Variants in TRIM54 observed in about 807,000 individuals in gnomAD.
TRIM54 encodes the protein tripartite motif-containing protein 54.
A neutral mutation model predicts 42.0 loss-of-function variants in TRIM54; 40 were observed. The observed-to-expected ratio is 0.95, with a 90% CI of 0.74 to 1.24. TRIM54 has a LOEUF of 1.24. Among genes scored for constraint, TRIM54 ranks in the 50% most tolerant of loss-of-function variants. The pLI is 0.00. For missense variants in TRIM54, 485 were observed against 480.3 expected, an observed-to-expected ratio of 1.01 and a Z score of -0.09; for synonymous variants, 199 against 194.9, an observed-to-expected ratio of 1.02 and a Z score of -0.17.
At chr2:27,305,928 T>C in intron 5 of TRIM54, 111 bp downstream of exon 5, 1 of 1,365,636 alleles carries the variant, frequency 7.3e-7, no homozygotes, top group Non-Finnish European at 1.0e-6. Flanking sequence ...CCCTACGACC[T>C]TGGGCAAGTC....
At position 27,307,170 on chromosome 2, in the gene TRIM54, G is replaced by A. The variant is rs1027322009; in HGVS notation, c.*285G>A. ...TGTGATGCCAGGAGCGAACTGGTGA[G>A]CCCAGCGCCCTGGGAAGAGGGCCGA... On this transcript the variant is annotated 3_prime_UTR_variant, in exon 9 of 9. Transcript: ENST00000380075. This position sits in a 1 kb window ranked among gnomAD's most constrained non-coding sequence, Gnocchi z 6.9. The A allele has an allele frequency of 2.2e-5, 8 of 356,852 alleles. No individual in the cohort carries two copies. Among genetic ancestry groups the A allele is most frequent in the African/African-American group, 1.1e-4 (5 of 45,448 alleles). The allele number at this position is 356,852 out of a possible 1,614,324, so 22.1% of individuals were successfully genotyped here.
chr2:27,302,121 T>A (rs540611949), intron 3 of TRIM54, among the ~76,000 whole-genome samples: 41 of 151,452 alleles, frequency 2.7e-4, no homozygotes, highest in Non-Finnish European at 5.2e-4. Flanking sequence ...GCTATTGCAT[T>A]CCAGCCTGGG....
At chr2:27,284,034 G>A (rs911195156) in intron 1 of TRIM54, among the ~76,000 whole-genome samples, 3 of 152,198 alleles carry the variant, frequency 2.0e-5, no homozygotes, top group Admixed American at 6.5e-5. Context: ...TCAGGAGGCT[G>A]AGGCAGGAGA....
At chr2:27,298,888 C>A in intron 2 of TRIM54, 149 bp downstream of exon 2, 1 of 852,982 alleles carries the variant, frequency 1.2e-6, no homozygotes, top group Non-Finnish European at 1.8e-6. Flanking sequence ...GGACTTGCCT[C>A]AGGCCTCCCA....
chr2:27,296,679 AC>A (rs1403428569), intron 1 of TRIM54, among the ~76,000 whole-genome samples: 1 of 152,226 alleles, frequency 6.6e-6, no homozygotes, highest in Non-Finnish European at 1.5e-5. Flanking sequence ...CCTACAAATT[AC>A]ACAAAACATT....
chr2:27,305,657 A>G lies in TRIM54; in HGVS notation c.683A>G (p.Lys228Arg), dbSNP rs1266126447. The change falls in exon 5 of 9, where the codon AAG becomes AGG. Residue 228 changes from lysine (K) to arginine (R), a missense_variant. Physicochemically the swap from Lys to Arg is conservative, Grantham distance 26. Coordinates refer to ENST00000380075, the MANE Select transcript of TRIM54 (RefSeq NM_187841.3). ...CTGTGCGCAGTGCTGGAGGAGCGCA[A>G]GGGTGAGCTGCTGCAGGCGCTGGCC... ...ESLCAVLEER[K>R]GELLQALARE... 1.2e-6 allele frequency: 2 copies of G among 1,613,710 alleles called. No individual in the cohort carries two copies. Among genetic ancestry groups the G allele is most frequent in the Non-Finnish European group, 1.7e-6 (2 of 1,179,944 alleles).
intron 3 of TRIM54, 63 bp from the exon 4 acceptor site, chr2:27,304,896 G>T (rs1409349208): frequency 1.3e-6 from 2 of 1,482,166 alleles, no homozygotes; most frequent in Admixed American, 3.6e-5. Context: ...AACCCTGGCT[G>T]GGGTGAGGGG....
At chr2:27,304,235 GATAGATAGATAGAT>G (rs1679118303) in intron 3 of TRIM54, among the ~76,000 whole-genome samples, 1 of 144,506 alleles carries the variant, frequency 6.9e-6, no homozygotes, top group Admixed American at 7.2e-5. Context: ...TAGATAGATA[GATAGATAGATAGAT>G]ATAGATATAC....
intron 1 of TRIM54, among the ~76,000 whole-genome samples, chr2:27,286,767 C>A (rs1435312243): frequency 6.6e-6 from 1 of 152,196 alleles, no homozygotes; most frequent in African/African-American, 2.4e-5. Context: ...AAGCCTCCTT[C>A]TCTAACAAGG....
At chr2:27,283,766 A>ACACACGCACGCGCGCGCGCGCGCGCG (rs1164806717) in intron 1 of TRIM54, among the ~76,000 whole-genome samples, 6 of 88,706 alleles carry the variant, frequency 6.8e-5, no homozygotes, top group African/African-American at 3.9e-4. Context: ...GGGCAAAGGC[A>ACACACGCACGCGCGCGCGCGCGCGCG]CACACACACA....
At chr2:27,289,960 C>T (rs909714081) in intron 1 of TRIM54, among the ~76,000 whole-genome samples, 1 of 150,212 alleles carries the variant, frequency 6.7e-6, no homozygotes, top group African/African-American at 2.5e-5. Flanking sequence ...CAACCTCCAC[C>T]TCCCAGGTTC....
Position 27,297,052 on chromosome 2 carries a change from C to A in TRIM54, c.169-1515C>A, listed in dbSNP as rs188453488. 1.1e-4 allele frequency among the ~76,000 whole-genome samples: 16 copies of A among 152,344 alleles called. 1 individual carries two copies. In the Middle Eastern group the frequency reaches 0.01, roughly 97 times the overall value. On this transcript the variant is annotated intron_variant, in intron 1 of 8. Coordinates refer to ENST00000380075, the MANE Select transcript of TRIM54 (RefSeq NM_187841.3). ...GGGATTACAGGCATGAGCCACCACA[C>A]CCAGCCCTTTATACCATGTGTCTTG...
intron 1 of TRIM54, among the ~76,000 whole-genome samples, chr2:27,283,780 G>GTGCA: frequency 1.3e-5 from 1 of 76,516 alleles, no homozygotes; most frequent in South Asian, 4.7e-4. Context: ...ACACACACAC[G>GTGCA]CGCGCACACA....
At position 27,306,632 on chromosome 2, in the gene TRIM54, T is replaced by A; in HGVS notation, c.*1+90T>A. ...GGTGTGCTCGCGTCCCCTCCCCCAG[T>A]GATTGCCCTCCCTGCGGGTAGCGTG... On this transcript the variant is annotated intron_variant, in intron 8 of 8. Coordinates refer to ENST00000380075, the MANE Select transcript of TRIM54 (RefSeq NM_187841.3). This position sits in a 1 kb window ranked among gnomAD's most constrained non-coding sequence, Gnocchi z 6.1. 1 of 1,292,412 alleles carries A rather than the reference T, an allele frequency of 7.7e-7. No individual in the cohort carries two copies. The highest frequency in any genetic ancestry group is 1.5e-5 in the South Asian group (1 of 65,160). 80.1% of individuals were successfully genotyped at this position (1,292,412 alleles called of 1,614,324 possible).
chr2:27,301,333 T>C (rs1572528689), intron 3 of TRIM54, among the ~76,000 whole-genome samples: 1 of 151,972 alleles, frequency 6.6e-6, no homozygotes, highest in African/African-American at 2.4e-5. Context: ...AGAGACAGGG[T>C]TTCACCATGT....
At chr2:27,301,705 T>G (rs1679042220) in intron 3 of TRIM54, among the ~76,000 whole-genome samples, 1 of 152,124 alleles carries the variant, frequency 6.6e-6, no homozygotes, top group Non-Finnish European at 1.5e-5. Flanking sequence ...TGTGCCGACC[T>G]CCTATCTCAT....
chr2:27,283,784 G>GCGCGCGCGCACACA (rs367621533), intron 1 of TRIM54, among the ~76,000 whole-genome samples: 3 of 132,200 alleles, frequency 2.3e-5, no homozygotes, highest in African/African-American at 9.1e-5. Flanking sequence ...ACACACGCGC[G>GCGCGCGCGCACACA]CACACACACA....
intron 3 of TRIM54, among the ~76,000 whole-genome samples, chr2:27,300,550 C>CTACTAATAATAATATTATTAGTAGTAG (rs1679001053): frequency 7.0e-6 from 1 of 142,942 alleles, no homozygotes; most frequent in African/African-American, 2.9e-5. Flanking sequence ...TGGGAGGATA[C>CTACTAATAATAATATTATTAGTAGTAG]TACTAATAAT....
chr2:27,302,259 G>A (rs914036791), intron 3 of TRIM54, among the ~76,000 whole-genome samples: 1 of 149,870 alleles, frequency 6.7e-6, no homozygotes, highest in Non-Finnish European at 1.5e-5. Flanking sequence ...GACCATCCTG[G>A]CTAACACGGT....
Sources: allele counts gnomAD v4.1 joint callset (sites outside exome capture counted in the v4.1 genomes callset), GRCh38; gene constraint gnomAD v4.1.1; non-coding constraint Gnocchi (gnomAD v3.1); transcripts MANE v1.5; gene names NCBI Gene and HGNC (gene_info 2026-07-23, HGNC 2026-07-21).